Variants in MEI1 observed in about 807,000 individuals in gnomAD.
The protein encoded by MEI1 is meiosis inhibitor protein 1.
A neutral mutation model predicts 146.2 loss-of-function variants in MEI1; 103 were observed. The ratio of observed to expected loss-of-function variants is 0.70; its 90% CI spans 0.60 to 0.83. The LOEUF (loss-of-function observed/expected upper bound fraction) is 0.83, where lower values mean the gene tolerates loss of function less well. MEI1 is among the 40% of genes least tolerant of loss of function. The pLI is 0.00. For synonymous variants in MEI1, 652 were observed against 628.2 expected, an observed-to-expected ratio of 1.04 and a Z score of -0.57; for missense variants, 1,529 against 1,533.0, an observed-to-expected ratio of 1.00 and a Z score of 0.04.
At chr22:41,793,032 CTTT>C (rs869223251) in intron 26 of MEI1, among the ~76,000 whole-genome samples, 2,378 of 48,482 alleles carry the variant, frequency 0.049, 103 homozygotes, top group African/African-American at 0.095. Context: ...ACAAAGCATT[CTTT>C]TTTTTTTTTT....
In MEI1 at chr22:41,770,975, C is replaced by A; in HGVS notation, c.2544+14C>A. ...CTCATCTTGCTGGTAGGCAACCACTCATTCATTTCTACATTCAGAAATCGT... is the reference window on the plus strand; with the variant it reads ...CTCATCTTGCTGGTAGGCAACCACTAATTCATTTCTACATTCAGAAATCGT... On this transcript the variant is annotated intron_variant, in intron 20 of 30. Coordinates refer to ENST00000401548, the MANE Select transcript of MEI1 (RefSeq NM_152513.4). 6.2e-7 allele frequency: 1 copy of A among 1,610,142 alleles called. No individual in the cohort carries two copies. The highest frequency in any genetic ancestry group is 1.1e-5 in the South Asian group (1 of 90,624).
chr22:41,770,680 C>T lies in MEI1; in HGVS notation c.2269-6C>T. On this transcript the variant is annotated splice_region_variant and splice_polypyrimidine_tract_variant and intron_variant, in intron 19 of 30. Coordinates refer to ENST00000401548, the MANE Select transcript of MEI1 (RefSeq NM_152513.4). ...TATTTACCTCCTTTCTTTGTTTTGC[C>T]TCCAGACTATGGTCAGTGCAATCAG... 1 of 1,611,856 alleles carries T rather than the reference C, an allele frequency of 6.2e-7. No homozygotes were observed. Among genetic ancestry groups the T allele is most frequent in the South Asian group, 1.1e-5 (1 of 90,794 alleles).
chr22:41,769,113 A>G (rs1229376647), intron 19 of MEI1, among the ~76,000 whole-genome samples: 3 of 152,194 alleles, frequency 2.0e-5, no homozygotes, highest in Admixed American at 6.5e-5. Flanking sequence ...AGTCAAAACA[A>G]TCTTGAAAAA....
Position 41,770,852 on chromosome 22 carries a change from A to T in MEI1, c.2435A>T (p.Tyr812Phe), listed in dbSNP as rs747448349. 6.2e-7 allele frequency: 1 copy of T among 1,613,962 alleles called. No individual in the cohort carries two copies. The highest frequency in any genetic ancestry group is 2.2e-5 in the East Asian group (1 of 44,876). Residue 812 changes from tyrosine to phenylalanine, a missense_variant, in exon 20 of 31, where the codon TAT becomes TTT. By Grantham distance (22) the Tyr-to-Phe change is conservative. Transcript: ENST00000401548. ...ELWFFWEESS[Y>F]EELDDVTSAG... Reference sequence around the variant, plus strand: ...TGGTTCTTCTGGGAAGAGAGCAGCTATGAGGAACTGGATGATGTCACCTCT... The same window carrying T: ...TGGTTCTTCTGGGAAGAGAGCAGCTTTGAGGAACTGGATGATGTCACCTCT...
chr22:41,776,228 C>T lies in MEI1; in HGVS notation c.2671C>T (p.Gln891Ter), dbSNP rs1358625924. Reference sequence around the variant, plus strand: ...CCGAGGCCACTTCCTGCTGATCCTGCAGCGTCTGCTAGTGGAGCATGGGGC... The same window carrying T: ...CCGAGGCCACTTCCTGCTGATCCTGTAGCGTCTGCTAGTGGAGCATGGGGC... ...LIRGHFLLIL[Q>*]RLLVEHGASP... The change falls in exon 21 of 31, where the codon CAG becomes TAG. Residue 891 changes from glutamine to a stop codon, truncating the protein, a stop_gained. Transcript: ENST00000401548. LOFTEE classifies it high-confidence loss of function. 9 of 1,613,914 alleles carry T rather than the reference C, an allele frequency of 5.6e-6. No individual in the cohort carries two copies. Among genetic ancestry groups the T allele is most frequent in the Non-Finnish European group, 7.6e-6 (9 of 1,179,866 alleles).
chr22:41,797,796 C>T (rs1437451092), intron 30 of MEI1, among the ~76,000 whole-genome samples: 1 of 152,096 alleles, frequency 6.6e-6, no homozygotes. Flanking sequence ...AAGGGATACT[C>T]AACCTGTACC....
At chr22:41,725,192 A>G (rs572543414) in intron 7 of MEI1, among the ~76,000 whole-genome samples, 1 of 150,708 alleles carries the variant, frequency 6.6e-6, no homozygotes, top group South Asian at 2.1e-4. Context: ...GCTCACTACA[A>G]CCTCCGCCCC....
chr22:41,707,259 T>C (rs914616116), intron 3 of MEI1, among the ~76,000 whole-genome samples: 1 of 151,922 alleles, frequency 6.6e-6, no homozygotes, highest in Non-Finnish European at 1.5e-5. Context: ...AACAACCAAA[T>C]TTTCATGGAG....
At chr22:41,712,703 G>C (rs868350632) in intron 3 of MEI1, among the ~76,000 whole-genome samples, 1 of 91,410 alleles carries the variant, frequency 1.1e-5, no homozygotes, top group African/African-American at 4.2e-5. Flanking sequence ...TGTGTGTGTG[G>C]AGCAATATAT....
In MEI1 at chr22:41,703,215, C is replaced by T. The variant is rs73887775; in HGVS notation, c.175-116C>T. 2,750 of 1,134,708 alleles carry T rather than the reference C, an allele frequency of 2.4e-3. 41 individuals carry two copies. The African/African-American group carries it at 0.038, about 16-fold the overall frequency. The allele number at this position is 1,134,708 out of a possible 1,614,324, so 70.3% of individuals were successfully genotyped here. A position where few individuals can be genotyped will look rare whatever the true frequency, so the allele number is the denominator to read the frequency against. On this transcript the variant is annotated intron_variant, in intron 1 of 30. Transcript: ENST00000401548. ...TCCCTTGAAGGAGTATGGATCTCAC[C>T]GTAGTTTAAATGATCCCTTGTATCA...
chr22:41,744,955 C>T lies in MEI1; in HGVS notation c.1447-18C>T. The T allele has an allele frequency of 2.0e-6, 3 of 1,502,930 alleles. No homozygotes were observed. Among genetic ancestry groups the T allele is most frequent in the Non-Finnish European group, 2.7e-6 (3 of 1,117,028 alleles). 93.1% of individuals were successfully genotyped at this position (1,502,930 alleles called of 1,614,324 possible). ...ATATACTTGATCACTAGGTTCCTGT[C>T]TCTCCTTCCCACCTCAGGGCCATGC... On this transcript the variant is annotated intron_variant, in intron 12 of 30. Transcript: ENST00000401548.
chr22:41,732,533 C>T lies in MEI1; in HGVS notation c.1261C>T (p.Gln421Ter). Residue 421 changes from glutamine to a stop codon, truncating the protein, a stop_gained, in exon 11 of 31, where the codon CAA becomes TAA. Transcript: ENST00000401548. LOFTEE classifies it high-confidence loss of function. ...GTGCAGAGATGCTGGCCGTGCCCTCCAAGAAGCAGTTAGCAGCCCTGTGCT... is the reference window on the plus strand; with the variant it reads ...GTGCAGAGATGCTGGCCGTGCCCTCTAAGAAGCAGTTAGCAGCCCTGTGCT... ...AMCRDAGRALQEAVSSPVLEV... is the reference protein window; with the variant it reads ...AMCRDAGRAL The T allele has an allele frequency of 6.2e-7, 1 of 1,613,908 alleles. No homozygotes were observed. The highest frequency in any genetic ancestry group is 1.1e-5 in the South Asian group (1 of 91,084).
chr22:41,762,899 C>T (rs540180386), intron 18 of MEI1, among the ~76,000 whole-genome samples: 3 of 152,302 alleles, frequency 2.0e-5, no homozygotes, highest in African/African-American at 7.2e-5. Context: ...CTCTTTAACA[C>T]TGCTGGTCCA....
At position 41,778,788 on chromosome 22, in the gene MEI1, G is replaced by A. The variant is rs2075602298; in HGVS notation, c.2791G>A (p.Val931Met). The change falls in exon 22 of 31, where the codon GTG becomes ATG. Residue 931 changes from valine to methionine, a missense_variant. Val to Met is a conservative substitution (Grantham distance 21). This residue lies in a region of MEI1 where 1,212 missense variants were observed against 1,178.9 expected (regional missense o/e 1.03). Coordinates refer to ENST00000401548, the MANE Select transcript of MEI1 (RefSeq NM_152513.4). ...RNVSEQELDSVAMKLLHQVSK... is the reference protein window; with the variant it reads ...RNVSEQELDSMAMKLLHQVSK... The stretch of plus-strand genomic sequence containing the variant: ...TGTGTCAGAGCAAGAACTGGACAGC[G>A]TGGCCATGAAGCTCCTTCACCAAGG... 6.2e-7 allele frequency: 1 copy of A among 1,606,452 alleles called. No homozygotes were observed. Among genetic ancestry groups the A allele is most frequent in the Non-Finnish European group, 8.5e-7 (1 of 1,176,654 alleles).
intron 18 of MEI1, among the ~76,000 whole-genome samples, chr22:41,760,075 C>T (rs376001873): frequency 6.6e-6 from 1 of 151,836 alleles, no homozygotes; most frequent in Non-Finnish European, 1.5e-5. Context: ...TTTGGGAGGC[C>T]GAGATGGGTG....
At chr22:41,745,599 C>G (rs944922840) in intron 13 of MEI1, among the ~76,000 whole-genome samples, 3 of 151,946 alleles carry the variant, frequency 2.0e-5, no homozygotes, top group South Asian at 2.1e-4. Context: ...TATTTAAAGG[C>G]AAATGAATGG....
intron 3 of MEI1, among the ~76,000 whole-genome samples, chr22:41,711,246 C>T (rs537021780): frequency 9.9e-5 from 15 of 152,152 alleles, no homozygotes; most frequent in Admixed American, 5.2e-4. Context: ...GATCTCGGCT[C>T]ACTGCAAGCT....
rs939952544 is a variant in MEI1 at position 41,799,415 on chromosome 22, T to C, written c.*116T>C. ...TATTCATATGGAGCCATATACTCTA[T>C]TGTTGAAATAGAATAAGGAAATAAA... On this transcript the variant is annotated 3_prime_UTR_variant, in exon 31 of 31. Transcript: ENST00000401548. 12 of 952,258 alleles carry C rather than the reference T, an allele frequency of 1.3e-5. No homozygotes were observed. Among genetic ancestry groups the C allele is most frequent in the Admixed American group, 6.7e-5 (3 of 45,076 alleles). 59.0% of individuals were successfully genotyped at this position (952,258 alleles called of 1,614,324 possible). A position where few individuals can be genotyped will look rare whatever the true frequency, so the allele number is the denominator to read the frequency against.
intron 16 of MEI1, among the ~76,000 whole-genome samples, chr22:41,752,860 G>A (rs2073861886): frequency 6.6e-6 from 1 of 152,136 alleles, no homozygotes; most frequent in Admixed American, 6.6e-5. Flanking sequence ...TATTCCTGGT[G>A]ATACTTGGAT....
Sources: allele counts gnomAD v4.1 joint callset (sites outside exome capture counted in the v4.1 genomes callset), GRCh38; gene constraint gnomAD v4.1.1; regional missense constraint gnomAD v4.1.1; transcripts MANE v1.5; gene names NCBI Gene and HGNC (gene_info 2026-07-23, HGNC 2026-07-21).